DDX31: variants seen among roughly 807,000 people sequenced by gnomAD.
DDX31 encodes DEAD-box helicase 31.
Under a neutral mutation model 91.3 loss-of-function variants are expected in DDX31, and 70 were observed. That is an observed-to-expected ratio of 0.77 (90% confidence interval 0.63 to 0.94). The LOEUF (loss-of-function observed/expected upper bound fraction) is 0.94. DDX31 is among the 40% of genes least tolerant of loss of function. The pLI, the probability that DDX31 is intolerant of heterozygous loss-of-function variation, is 0.00. For missense variants in DDX31, 902 were observed against 925.0 expected (o/e 0.98, Z 0.32); for synonymous variants, 362 against 350.6 (o/e 1.03, Z -0.36).
intron 13 of DDX31, among the ~76,000 whole-genome samples, chr9:132,645,390 C>T (rs954154058): frequency 4.6e-5 from 7 of 152,290 alleles, no homozygotes; most frequent in African/African-American, 1.7e-4. Context: ...TACCCTCTCC[C>T]AACCGAAAGT....
chr9:132,662,083 C>A (rs759974679), intron 3 of DDX31, among the ~76,000 whole-genome samples, 178 bp downstream of exon 3: 20 of 152,138 alleles, frequency 1.3e-4, no homozygotes, highest in Non-Finnish European at 2.6e-4. Flanking sequence ...TGAACAGTAA[C>A]CTAAGCACCC....
chr9:132,622,702 A>G (rs1247377974), intron 17 of DDX31, among the ~76,000 whole-genome samples: 1 of 152,244 alleles, frequency 6.6e-6, no homozygotes, highest in Non-Finnish European at 1.5e-5. Flanking sequence ...GAGCTGGCAG[A>G]TGCTAATGTT....
rs570693488 is a variant in DDX31, at chr9:132,604,930, G to T, written c.1994+7157C>A. Among the ~76,000 whole-genome samples the T allele has an allele frequency of 2.0e-5, 3 of 152,258 alleles. No homozygotes were observed. The East Asian group carries it at 5.8e-4, about 29-fold the overall frequency. ...CTGATCCCAGGCCTCCTTCACCAGG[G>T]AACAGAACCAGCGGCTGGACCACGA... On this transcript the variant is annotated intron_variant, in intron 19 of 19. Coordinates refer to ENST00000372159, the MANE Select transcript of DDX31 (RefSeq NM_022779.9).
chr9:132,599,720 TAGAC>T (rs1009190479), intron 19 of DDX31, among the ~76,000 whole-genome samples: 75 of 152,336 alleles, frequency 4.9e-4, no homozygotes, highest in African/African-American at 7.2e-4. Context: ...AATTAAAACA[TAGAC>T]AGACAGACAG....
rs545141806 is a variant in DDX31 at position 132,659,732 on chromosome 9, G to A, written c.501C>T (p.Leu167=). The change falls in exon 5 of 20, where the codon CTC becomes CTT. Residue 167 remains leucine, a synonymous_variant. Coordinates refer to ENST00000372159, the MANE Select transcript of DDX31 (RefSeq NM_022779.9). ...AACCTGAGCCCGTCTGGGATCTCAC[G>A]AGAGCATCTCTGCCTTCCAGCAACA... ...IPVLLEGRDA[L]VRSQTGSGKT... is the part of the protein sequence containing the mutation. 1.2e-5 allele frequency: 19 copies of A among 1,612,178 alleles called. No individual in the cohort carries two copies. The East Asian group carries it at 1.8e-4, about 15-fold the overall frequency.
intron 14 of DDX31, chr9:132,638,353 T>C (rs763590483): frequency 2.5e-6 from 4 of 1,614,054 alleles, no homozygotes; most frequent in East Asian, 2.2e-5. Flanking sequence ...TGGCTTAGGG[T>C]GAGTTCTTCA....
At chr9:132,634,993 G>T (rs867903176) in intron 14 of DDX31, among the ~76,000 whole-genome samples, 2 of 151,994 alleles carry the variant, frequency 1.3e-5, no homozygotes, top group Middle Eastern at 6.8e-3. Flanking sequence ...GACTTACTTA[G>T]TTTTTCGATG....
rs1194509496 is a variant in DDX31 at position 132,594,468 on chromosome 9, AGCC to A, written c.*395_*397del. On this transcript the variant is annotated 3_prime_UTR_variant, in exon 20 of 20. Coordinates refer to ENST00000372159, the MANE Select transcript of DDX31 (RefSeq NM_022779.9). ...GCCAATGTATGCGCTGATAGGCTGA[AGCC>A]AAGCTGTGAAACTTCAGAACACAGT... is the stretch of plus-strand genomic sequence containing the variant. 5.7e-6 allele frequency: 1 copy of A among 176,956 alleles called. No individual in the cohort carries two copies. The highest frequency in any genetic ancestry group is 1.2e-5 in the Non-Finnish European group (1 of 82,716). 11.0% of individuals were successfully genotyped at this position (176,956 alleles called of 1,614,324 possible).
At chr9:132,644,977 CAA>C (rs1383845025) in intron 13 of DDX31, among the ~76,000 whole-genome samples, 1 of 152,158 alleles carries the variant, frequency 6.6e-6, no homozygotes, top group Non-Finnish European at 1.5e-5. Context: ...AGAGCAAAAG[CAA>C]AGAGAGGCTG....
intron 1 of DDX31, 26 bp downstream of exon 1, chr9:132,669,834 G>A (rs770844775): frequency 1.3e-6 from 2 of 1,554,704 alleles, no homozygotes; most frequent in African/African-American, 1.4e-5. Context: ...GGGTGGGGAC[G>A]GAGCTGAAGC....
chr9:132,638,196 T>C (rs925208014), intron 14 of DDX31: 1 of 1,480,560 alleles, frequency 6.8e-7, no homozygotes, highest in African/African-American at 1.4e-5. Context: ...CCAGGGACAA[T>C]CAAGGACAGC....
At position 132,625,676 on chromosome 9, in the gene DDX31, T is replaced by A. The variant is rs1832349493; in HGVS notation, c.1701A>T (p.Arg567=). 1 of 1,613,794 alleles carries A rather than the reference T, an allele frequency of 6.2e-7. No individual in the cohort carries two copies. The highest frequency in any genetic ancestry group is 8.5e-7 in the Non-Finnish European group (1 of 1,179,882). The part of the protein sequence containing the change: ...LTRDDCFKGK[R]WGAQKSHAVG... ...TAACAAAACTCACCTGGGCTCCCCA[T>A]CGTTTCCCTTTAAAACAATCATCTC... Residue 567 remains arginine, a synonymous_variant, in exon 17 of 20, where the codon CGA becomes CGT. Coordinates refer to ENST00000372159, the MANE Select transcript of DDX31 (RefSeq NM_022779.9).
At chr9:132,598,032 C>T (rs1430429628) in intron 19 of DDX31, among the ~76,000 whole-genome samples, 2 of 152,104 alleles carry the variant, frequency 1.3e-5, no homozygotes, top group Non-Finnish European at 2.9e-5. Context: ...GCCAGCAGTC[C>T]ACTCACTCAG....
chr9:132,665,577 A>G (rs1835253366), intron 1 of DDX31, among the ~76,000 whole-genome samples: 1 of 152,180 alleles, frequency 6.6e-6, no homozygotes, highest in Non-Finnish European at 1.5e-5. Flanking sequence ...GCAAGGACAT[A>G]TCTGAATCTA....
intron 4 of DDX31, 62 bp from the exon 5 acceptor site, chr9:132,659,842 A>T: frequency 2.0e-6 from 3 of 1,534,400 alleles, no homozygotes; most frequent in Non-Finnish European, 2.7e-6. Context: ...GCAGAGACGC[A>T]GGATACATAA....
chr9:132,648,089 CCT>C (rs1359106106), intron 11 of DDX31, 98 bp downstream of exon 11: 3 of 949,028 alleles, frequency 3.2e-6, no homozygotes, highest in Non-Finnish European at 4.7e-6. Context: ...CCCCCACCTC[CCT>C]GAGGTTGAGA....
intron 18 of DDX31, among the ~76,000 whole-genome samples, chr9:132,613,289 T>G (rs693559): frequency 1.6e-3 from 245 of 152,312 alleles, no homozygotes; most frequent in African/African-American, 5.6e-3. Flanking sequence ...AAACAAATGT[T>G]TAAAGGAGAA....
At chr9:132,660,397 G>A (rs1471172664) in intron 4 of DDX31, among the ~76,000 whole-genome samples, 1 of 151,456 alleles carries the variant, frequency 6.6e-6, no homozygotes, top group Non-Finnish European at 1.5e-5. Context: ...ACCACCAAGT[G>A]TATCACACAC....
intron 19 of DDX31, among the ~76,000 whole-genome samples, chr9:132,596,106 T>C (rs1013853281): frequency 1.3e-5 from 2 of 152,206 alleles, no homozygotes; most frequent in African/African-American, 4.8e-5. Context: ...GTCATGGAGT[T>C]CTCACAAAGA....
Sources: allele counts gnomAD v4.1 joint callset (sites outside exome capture counted in the v4.1 genomes callset), GRCh38; gene constraint gnomAD v4.1.1; transcripts MANE v1.5; gene names NCBI Gene and HGNC (gene_info 2026-07-23, HGNC 2026-07-21).